Variants in ZNF618 observed in about 807,000 individuals in gnomAD.
The protein encoded by ZNF618 is zinc finger protein 618, also known as neural precursor cell expressed, developmentally down-regulated 10.
In ZNF618, 34 loss-of-function variants were observed where a neutral mutation model predicts 103.0. The observed-to-expected ratio is 0.33, with a 90% CI of 0.25 to 0.44. The LOEUF (loss-of-function observed/expected upper bound fraction) is 0.44, where lower values mean the gene tolerates loss of function less well. Among genes scored for constraint, ZNF618 ranks in the 20% least tolerant of loss-of-function variants. ZNF618 has a pLI of 1.00. For synonymous variants in ZNF618, 551 were observed against 542.2 expected (o/e 1.02, Z -0.23); for missense variants, 1,059 against 1,295.4 (o/e 0.82, Z 2.80).
At chr9:113,990,653 T>C (rs1839963950) in intron 3 of ZNF618, among the ~76,000 whole-genome samples, 1 of 152,178 alleles carries the variant, frequency 6.6e-6, no homozygotes, top group African/African-American at 2.4e-5. Context: ...GTGGAGAGAC[T>C]TACGCTGGCA....
chr9:113,880,687 A>G (rs1446386749), intron 1 of ZNF618, among the ~76,000 whole-genome samples: 1 of 152,248 alleles, frequency 6.6e-6, no homozygotes, highest in Non-Finnish European at 1.5e-5. Context: ...TAGGGGAACA[A>G]AAAATAGCAG....
intron 1 of ZNF618, among the ~76,000 whole-genome samples, chr9:113,950,738 G>A (rs1835485684): frequency 6.6e-6 from 1 of 152,172 alleles, no homozygotes; most frequent in African/African-American, 2.4e-5. Flanking sequence ...ACATCAGAGG[G>A]GCTCCAACCC....
At chr9:114,025,571 C>T (rs1181194215) in intron 10 of ZNF618, among the ~76,000 whole-genome samples, 1 of 152,162 alleles carries the variant, frequency 6.6e-6, no homozygotes, top group East Asian at 1.9e-4. Context: ...GTAGGAATTC[C>T]AGCATGACAG....
At chr9:113,926,527 T>C (rs1474405796) in intron 1 of ZNF618, among the ~76,000 whole-genome samples, 4 of 152,172 alleles carry the variant, frequency 2.6e-5, no homozygotes, top group Admixed American at 6.5e-5. Flanking sequence ...TTTGTAGTTA[T>C]CTCACAGTTT....
intron 4 of ZNF618, 57 bp downstream of exon 4, chr9:113,998,411 G>C: frequency 2.1e-6 from 3 of 1,444,560 alleles, no homozygotes; most frequent in Non-Finnish European, 2.9e-6. Context: ...TGGGGGCACA[G>C]CTGGACACAG....
chr9:113,994,283 T>TG (rs1302497153), intron 3 of ZNF618, among the ~76,000 whole-genome samples: 1 of 152,226 alleles, frequency 6.6e-6, no homozygotes, highest in Non-Finnish European at 1.5e-5. Flanking sequence ...GCAGCGTAGG[T>TG]GCCAGGTCCT....
intron 9 of ZNF618, among the ~76,000 whole-genome samples, chr9:114,013,761 A>G (rs963223570): frequency 1.3e-5 from 2 of 152,162 alleles, no homozygotes; most frequent in African/African-American, 2.4e-5. Flanking sequence ...GGAAGGAGGA[A>G]TTGGGGAGGG....
intron 1 of ZNF618, among the ~76,000 whole-genome samples, chr9:113,952,623 C>G (rs1036267424): frequency 5.3e-5 from 8 of 152,214 alleles, no homozygotes; most frequent in Non-Finnish European, 1.0e-4. Flanking sequence ...GGCCCTGCTG[C>G]TAACTAGCTG....
At chr9:113,987,609 C>T (rs1327524095) in intron 2 of ZNF618, among the ~76,000 whole-genome samples, 4 of 152,188 alleles carry the variant, frequency 2.6e-5, no homozygotes, top group African/African-American at 9.7e-5. Flanking sequence ...CACTGGATAT[C>T]GCGTACATCA....
In ZNF618 at chr9:114,050,397, G is replaced by T. The variant is rs1488217479; in HGVS notation, c.*230G>T. The T allele has an allele frequency of 8.0e-6, 4 of 500,210 alleles. No homozygotes were observed. The highest frequency in any genetic ancestry group is 3.9e-5 in the Admixed American group (1 of 25,764). The allele number at this position is 500,210 out of a possible 1,614,324, so 31.0% of individuals were successfully genotyped here. A position where few individuals can be genotyped will look rare whatever the true frequency, so the allele number is the denominator to read the frequency against. ...GTGCTGTGGTTGTGGGGGTGTGGGG[G>T]GGTCTCTGTGCTCATCTCCATGGCC... On this transcript the variant is annotated 3_prime_UTR_variant, in exon 15 of 15. Transcript: ENST00000374126.
chr9:113,970,075 G>A lies in ZNF618; in HGVS notation c.77+915G>A, dbSNP rs568682006. Among the ~76,000 whole-genome samples the A allele has an allele frequency of 3.2e-4, 48 of 152,290 alleles. No individual in the cohort carries two copies. The South Asian group carries it at 6.6e-3, about 21-fold the overall frequency. On this transcript the variant is annotated intron_variant, in intron 2 of 14. Transcript: ENST00000374126. ...AAAGGTTCTTTCTGTGGCCCAGTAA[G>A]TTAGAGGACAGTGGGTTAAACAAAA... is the stretch of plus-strand genomic sequence containing the variant.
In ZNF618 at chr9:113,882,613, GC is replaced by G. The variant is rs144104173; in HGVS notation, c.33+6202del. Reference sequence around the variant, plus strand: ...CACTCTTGGCTGTTGCTTTAAAACAGCCTGCCATCCATGAGACTTTCTTGTT... The same window carrying G: ...CACTCTTGGCTGTTGCTTTAAAACAGCTGCCATCCATGAGACTTTCTTGTT... On this transcript the variant is annotated intron_variant, in intron 1 of 14. Coordinates refer to ENST00000374126, the MANE Select transcript of ZNF618 (RefSeq NM_001318042.2). Among the ~76,000 whole-genome samples the G allele has an allele frequency of 5.6e-4, 85 of 152,310 alleles. No individual in the cohort carries two copies. The East Asian group carries it at 0.015, about 27-fold the overall frequency.
chr9:113,962,815 C>T (rs999228121), intron 1 of ZNF618, among the ~76,000 whole-genome samples: 6 of 152,184 alleles, frequency 3.9e-5, no homozygotes, highest in African/African-American at 1.4e-4. Flanking sequence ...CCCCGCCTCC[C>T]CCACACACCA....
intron 1 of ZNF618, among the ~76,000 whole-genome samples, chr9:113,915,386 G>T (rs1461376927): frequency 6.6e-6 from 1 of 152,176 alleles, no homozygotes; most frequent in Non-Finnish European, 1.5e-5. Flanking sequence ...CAGGCCGTTG[G>T]TTCCCTTTGA....
At chr9:113,943,454 G>A (rs959681666) in intron 1 of ZNF618, among the ~76,000 whole-genome samples, 11 of 152,194 alleles carry the variant, frequency 7.2e-5, no homozygotes, top group African/African-American at 2.7e-4. Context: ...CTGTTAGGGA[G>A]TGTCTGGGCA....
intron 9 of ZNF618, among the ~76,000 whole-genome samples, chr9:114,011,233 G>A (rs999589985): frequency 6.6e-6 from 1 of 152,286 alleles, no homozygotes; most frequent in Non-Finnish European, 1.5e-5. Context: ...GATTGTCATG[G>A]GGCTTAGATG....
intron 10 of ZNF618, among the ~76,000 whole-genome samples, chr9:114,019,439 G>A (rs1842899283): frequency 6.6e-6 from 1 of 152,196 alleles, no homozygotes; most frequent in Non-Finnish European, 1.5e-5. Context: ...AATGACCATA[G>A]CATCTTTCAC....
chr9:114,024,547 G>A (rs979621745), intron 10 of ZNF618, among the ~76,000 whole-genome samples: 2 of 152,228 alleles, frequency 1.3e-5, no homozygotes, highest in African/African-American at 4.8e-5. Flanking sequence ...AGCTGTGTTA[G>A]GACAGGTCTA....
chr9:113,886,126 A>G (rs1829049362), intron 1 of ZNF618, among the ~76,000 whole-genome samples: 1 of 152,142 alleles, frequency 6.6e-6, no homozygotes, highest in Non-Finnish European at 1.5e-5. Context: ...AAAGTGGAGG[A>G]GGCCTGAGTA....
Sources: gnomAD v4.1 joint callset for allele counts (sites outside exome capture counted in the v4.1 genomes callset) on GRCh38, gnomAD v4.1.1 for gene constraint, MANE v1.5 for transcripts, NCBI Gene and HGNC (gene_info 2026-07-23, HGNC 2026-07-21) for gene names.